Variants in FDFT1 observed in about 807,000 individuals in gnomAD.
FDFT1 encodes squalene synthase.
In FDFT1, 68 loss-of-function variants were observed where a neutral mutation model predicts 46.8. The observed-to-expected ratio is 1.45, with a 90% CI of 1.19 to 1.78. The LOEUF (loss-of-function observed/expected upper bound fraction) is 1.78. Among genes scored for constraint, FDFT1 ranks in the 40% most tolerant of loss-of-function variants. The pLI is 0.00. For synonymous variants in FDFT1, 351 were observed against 185.1 expected, an observed-to-expected ratio of 1.90 and a Z score of -7.28; for missense variants, 928 against 524.4, an observed-to-expected ratio of 1.77 and a Z score of -7.52.
At chr8:11,821,608 CA>C (rs1290466525) in intron 3 of FDFT1, 141 bp from the exon 4 acceptor site, 186 of 990,874 alleles carry the variant, frequency 1.9e-4, no homozygotes, top group Middle Eastern at 3.3e-4. Flanking sequence ...AAAACAAAAA[CA>C]AAAAAAATGT....
intron 1 of FDFT1, among the ~76,000 whole-genome samples, chr8:11,805,817 C>G (rs1563295955): frequency 1.3e-5 from 2 of 152,134 alleles, no homozygotes; most frequent in East Asian, 3.9e-4. Context: ...TGCCTATTTT[C>G]TAAAACACTA....
At position 11,802,956 on chromosome 8, in the gene FDFT1, C is replaced by T. The variant is rs376430693; in HGVS notation, c.99+25C>T. On this transcript the variant is annotated intron_variant, in intron 1 of 7. Transcript: ENST00000220584. ...GGTGGGCCGAGCCTCCCTGCTTGCC[C>T]GGGGCGGGGAAGGAGCTCGCTGGGC... The T allele has an allele frequency of 2.9e-4, 450 of 1,574,250 alleles. 1 individual carries two copies. The African/African-American group carries it at 5.4e-3, about 19-fold the overall frequency.
At chr8:11,806,881 C>T (rs571177424) in intron 1 of FDFT1, among the ~76,000 whole-genome samples, 32 of 152,238 alleles carry the variant, frequency 2.1e-4, no homozygotes, top group African/African-American at 7.5e-4. Flanking sequence ...GTGCCAGACG[C>T]TGAAGTTTAC....
At chr8:11,829,672 C>G (rs1226110852) in intron 5 of FDFT1, among the ~76,000 whole-genome samples, 1 of 152,164 alleles carries the variant, frequency 6.6e-6, no homozygotes, top group Admixed American at 6.5e-5. Context: ...CAGTGTTGCA[C>G]TAGTTGTCCC....
At chr8:11,797,451 C>A (rs550845182), upstream of FDFT1, among the ~76,000 whole-genome samples, 9 of 151,934 alleles carry the variant, frequency 5.9e-5, no homozygotes, top group Non-Finnish European at 1.3e-4. Flanking sequence ...GGGTGTGGAA[C>A]CTTATCTTAC....
In FDFT1 at chr8:11,838,500, A is replaced by C. The variant is rs1271660931; in HGVS notation, c.1145A>C (p.Tyr382Ser). 3 of 1,605,344 alleles carry C rather than the reference A, an allele frequency of 1.9e-6. No homozygotes were observed. The highest frequency in any genetic ancestry group is 1.3e-5 in the African/African-American group (1 of 74,350). Residue 382 changes from tyrosine (Y) to serine (S), a missense_variant, in exon 8 of 8, where the codon TAC (tyrosine) becomes TCC (serine). Physicochemically the swap from Tyr to Ser is moderately radical, Grantham distance 144 (BLOSUM62 -2). Coordinates refer to ENST00000220584, the MANE Select transcript of FDFT1 (RefSeq NM_004462.5). ...TGTCAGCTGATTTCCCGAAGCCACT[A>C]CTCCCCCATCTACCTGTCGTTTGTC... ...PNCQLISRSH[Y>S]SPIYLSFVML... is the part of the protein sequence containing the mutation.
intron 1 of FDFT1, among the ~76,000 whole-genome samples, chr8:11,804,716 C>T (rs1309883418): frequency 1.3e-5 from 2 of 148,190 alleles, no homozygotes; most frequent in Non-Finnish European, 3.0e-5. Flanking sequence ...AAGCAATTCT[C>T]CTGCCTCAGC....
At chr8:11,820,078 G>C (rs1265345974) in intron 3 of FDFT1, among the ~76,000 whole-genome samples, 2 of 152,138 alleles carry the variant, frequency 1.3e-5, no homozygotes, top group Non-Finnish European at 2.9e-5. Flanking sequence ...TTGTTTGTTA[G>C]TTTTCCTTCT....
intron 3 of FDFT1, among the ~76,000 whole-genome samples, chr8:11,817,116 T>C (rs1347006971): frequency 6.6e-6 from 1 of 152,234 alleles, no homozygotes; most frequent in East Asian, 1.9e-4. Context: ...TTCGTGCATC[T>C]ATTGAGATAA....
At chr8:11,833,471 G>T (rs1017060443) in intron 7 of FDFT1, among the ~76,000 whole-genome samples, 2 of 152,132 alleles carry the variant, frequency 1.3e-5, no homozygotes, top group African/African-American at 4.8e-5. Flanking sequence ...AGAGTGTTTT[G>T]GTTTTGCAGT....
At chr8:11,815,401 G>C (rs554555775) in intron 3 of FDFT1, among the ~76,000 whole-genome samples, 1 of 152,108 alleles carries the variant, frequency 6.6e-6, no homozygotes, top group Admixed American at 6.5e-5. Context: ...GGGATTGCTG[G>C]GTCAAATGGT....
In FDFT1 at chr8:11,809,970, G is replaced by T. The variant is rs909170002; in HGVS notation, c.381+120G>T. 1.6e-5 allele frequency: 12 copies of T among 764,618 alleles called. No individual in the cohort carries two copies. The East Asian group carries it at 3.4e-4, about 22-fold the overall frequency. 47.4% of individuals were successfully genotyped at this position (764,618 alleles called of 1,614,324 possible). A position where few individuals can be genotyped will look rare whatever the true frequency, so the allele number is the denominator to read the frequency against. ...ATAAGCATTCTGAGGGCAGCATAAT[G>T]TGAGGGTTAAAAACTCCGGTAGCCA... On this transcript the variant is annotated intron_variant, in intron 3 of 7. Coordinates refer to ENST00000220584, the MANE Select transcript of FDFT1 (RefSeq NM_004462.5).
chr8:11,813,844 A>G (rs1240907868), intron 3 of FDFT1, among the ~76,000 whole-genome samples: 1 of 152,210 alleles, frequency 6.6e-6, no homozygotes, highest in African/African-American at 2.4e-5. Context: ...GTCACGGCTT[A>G]TGGTCGTATC....
intron 3 of FDFT1, among the ~76,000 whole-genome samples, chr8:11,817,222 C>G (rs1295065859): frequency 6.6e-6 from 1 of 152,190 alleles, no homozygotes; most frequent in Non-Finnish European, 1.5e-5. Context: ...ATGAAGCCGA[C>G]TTGATCGTGG....
intron 3 of FDFT1, among the ~76,000 whole-genome samples, chr8:11,815,529 C>A (rs1038604012): frequency 1.3e-5 from 2 of 152,234 alleles, no homozygotes; most frequent in Non-Finnish European, 2.9e-5. Context: ...TCTCCAGCAT[C>A]TGTTGTTTCC....
intron 5 of FDFT1, among the ~76,000 whole-genome samples, chr8:11,828,130 A>G (rs1810267684): frequency 6.6e-6 from 1 of 152,004 alleles, no homozygotes; most frequent in African/African-American, 2.4e-5. Context: ...AAAAAAAAAA[A>G]ATCAAAAATT....
chr8:11,805,842 T>C (rs1806761776), intron 1 of FDFT1, among the ~76,000 whole-genome samples: 2 of 152,242 alleles, frequency 1.3e-5, no homozygotes, highest in African/African-American at 4.8e-5. Flanking sequence ...TGCTAAATTC[T>C]GCCCCAGGTC....
intron 1 of FDFT1, among the ~76,000 whole-genome samples, chr8:11,806,358 T>C (rs919039880): frequency 2.6e-5 from 4 of 152,196 alleles, no homozygotes; most frequent in Non-Finnish European, 5.9e-5. Flanking sequence ...AGTGTTGTTT[T>C]CCATAGTATG....
At chr8:11,808,995 G>T in intron 2 of FDFT1, 104 bp downstream of exon 2, 2 of 1,500,066 alleles carry the variant, frequency 1.3e-6, no homozygotes, top group East Asian at 4.9e-5. Context: ...TTGCAGCCTC[G>T]TTGCTGTGGC....
Sources: allele counts gnomAD v4.1 joint callset (sites outside exome capture counted in the v4.1 genomes callset), GRCh38; gene constraint gnomAD v4.1.1; transcripts MANE v1.5; gene names NCBI Gene and HGNC (gene_info 2026-07-23, HGNC 2026-07-21).